The following NFKB1 variants were observed in gnomAD, a reference collection of about 807,000 sequenced individuals.
The protein encoded by NFKB1 is nuclear factor NF-kappa-B p105 subunit.
A neutral mutation model predicts 105.1 loss-of-function variants in NFKB1; 9 were observed. That is an observed-to-expected ratio of 0.09 (90% CI 0.05 to 0.15). The LOEUF is 0.15. Ranked by LOEUF, NFKB1 falls within the 10% of genes least tolerant of loss-of-function variation. The pLI is 1.00. For synonymous variants in NFKB1, 440 were observed against 442.2 expected (o/e 1.00, Z 0.06); for missense variants, 830 against 1,203.7 (o/e 0.69, Z 4.59).
chr4:102,578,876 C>T lies in NFKB1; in HGVS notation c.572-5C>T, dbSNP rs762902593. The T allele has an allele frequency of 3.7e-6, 6 of 1,613,754 alleles. No individual in the cohort carries two copies. In the South Asian group the frequency reaches 6.6e-5, roughly 18 times the overall value. ...GCATGAATGGACTGTGCTGTATGGC[C>T]CTAGATCGGGAAAAAGAGCTAATCC... On this transcript the variant is annotated splice_region_variant and splice_polypyrimidine_tract_variant and intron_variant, in intron 7 of 23. Transcript: ENST00000226574.
rs537696555 is a variant in NFKB1 at position 102,607,400 on chromosome 4, G to A, written c.2124+81G>A. On this transcript the variant is annotated intron_variant, in intron 18 of 23. Transcript: ENST00000226574. Reference sequence around the variant, plus strand: ...ATCTTTTCAAAGAAGGAAGTCAGTAGCTGCTGTTCTCCCTTACAATCAGCT... The same window carrying A: ...ATCTTTTCAAAGAAGGAAGTCAGTAACTGCTGTTCTCCCTTACAATCAGCT... 359 of 1,453,416 alleles carry A rather than the reference G, an allele frequency of 2.5e-4. 4 individuals are homozygous for A. In the South Asian group the frequency reaches 4.1e-3, roughly 17 times the overall value. The allele number at this position is 1,453,416 out of a possible 1,614,324, so 90.0% of individuals were successfully genotyped here.
At chr4:102,559,995 AT>A (rs1723279422) in intron 5 of NFKB1, among the ~76,000 whole-genome samples, 1 of 151,888 alleles carries the variant, frequency 6.6e-6, no homozygotes, top group South Asian at 2.1e-4. Context: ...GCACTAGAAT[AT>A]CAGTATTATA....
intron 15 of NFKB1, 52 bp from the exon 16 acceptor site, chr4:102,600,843 T>C: frequency 9.4e-7 from 1 of 1,067,128 alleles, no homozygotes; most frequent in East Asian, 2.4e-5. Flanking sequence ...TGGGAATCTT[T>C]TCTTTTTCAT....
chr4:102,599,781 T>C (rs1356820770), intron 15 of NFKB1, among the ~76,000 whole-genome samples: 1 of 152,232 alleles, frequency 6.6e-6, no homozygotes, highest in East Asian at 1.9e-4. Context: ...ATTATTGTTA[T>C]AGTAAAAAGA....
intron 11 of NFKB1, among the ~76,000 whole-genome samples, chr4:102,591,040 A>G (rs901126160): frequency 6.6e-6 from 1 of 152,186 alleles, no homozygotes; most frequent in African/African-American, 2.4e-5. Context: ...AAAAAGTTGG[A>G]AGCTAGCAGA....
intron 5 of NFKB1, among the ~76,000 whole-genome samples, chr4:102,543,252 C>G (rs1265233804): frequency 6.6e-6 from 1 of 152,138 alleles, no homozygotes; most frequent in Non-Finnish European, 1.5e-5. Context: ...CAGAAACTCT[C>G]ACCAATCCTC....
At chr4:102,538,020 A>G in intron 5 of NFKB1, 64 bp downstream of exon 5, 2 of 1,035,728 alleles carry the variant, frequency 1.9e-6, no homozygotes, top group Non-Finnish European at 3.0e-6. Context: ...ACGATTTCCA[A>G]GGAATTGCTT....
chr4:102,542,720 A>G (rs1742086621), intron 5 of NFKB1, among the ~76,000 whole-genome samples: 2 of 152,230 alleles, frequency 1.3e-5, no homozygotes, highest in Admixed American at 1.3e-4. Flanking sequence ...CAAATTTGCC[A>G]TTGTATAGGA....
chr4:102,583,422 G>A (rs1450064967), intron 10 of NFKB1, among the ~76,000 whole-genome samples: 1 of 152,156 alleles, frequency 6.6e-6, no homozygotes, highest in Non-Finnish European at 1.5e-5. Context: ...GTTACCTACT[G>A]TAGAGTTATG....
intron 9 of NFKB1, among the ~76,000 whole-genome samples, chr4:102,581,514 C>T (rs1261072895): frequency 1.3e-5 from 2 of 152,008 alleles, no homozygotes; most frequent in Admixed American, 1.3e-4. Flanking sequence ...ACAGGCCAGG[C>T]ATGGTAACTC....
intron 1 of NFKB1, among the ~76,000 whole-genome samples, chr4:102,511,235 TTTTA>T (rs1396666216): frequency 1.3e-5 from 2 of 152,100 alleles, no homozygotes; most frequent in Non-Finnish European, 2.9e-5. Context: ...ATAAGTAGGG[TTTTA>T]TTTCTTTAAC....
At chr4:102,561,446 A>G (rs143144846) in intron 5 of NFKB1, among the ~76,000 whole-genome samples, 199 of 152,192 alleles carry the variant, frequency 1.3e-3, no homozygotes, top group African/African-American at 4.0e-3. Context: ...CTCACAACAC[A>G]TACCAGCAAA....
chr4:102,594,749 G>T (rs750212984), intron 12 of NFKB1, 143 bp from the exon 13 acceptor site: 1 of 551,402 alleles, frequency 1.8e-6, no homozygotes, highest in Admixed American at 2.7e-5. Flanking sequence ...ATGTGTCTTA[G>T]TCCCAACAGA....
intron 1 of NFKB1, among the ~76,000 whole-genome samples, chr4:102,522,575 G>A (rs552747330): frequency 2.0e-5 from 3 of 152,268 alleles, no homozygotes; most frequent in African/African-American, 4.8e-5. Flanking sequence ...AGTAGGTTTC[G>A]TTTGAATTTT....
Position 102,607,247 on chromosome 4 carries a change from G to T in NFKB1, c.2052G>T (p.Lys684Asn). ...CTGACGTCAATGCTCAGGAGCAGAA[G>T]TCCGGGCGCACAGCACTGCACCTGG... ...AGADVNAQEQ[K>N]SGRTALHLAV... The change falls in exon 18 of 24, where the codon AAG becomes AAT. Residue 684 changes from lysine to asparagine, a missense_variant. By Grantham distance (94) the Lys-to-Asn change is moderately conservative. Transcript: ENST00000226574. The T allele has an allele frequency of 1.9e-6, 3 of 1,614,220 alleles. No individual in the cohort carries two copies. Among genetic ancestry groups the T allele is most frequent in the Non-Finnish European group, 2.5e-6 (3 of 1,180,046 alleles).
chr4:102,573,047 G>T (rs936361129), intron 6 of NFKB1, among the ~76,000 whole-genome samples: 4 of 152,088 alleles, frequency 2.6e-5, no homozygotes, highest in Non-Finnish European at 5.9e-5. Flanking sequence ...AGTGGCTCAC[G>T]CCTGAAATCC....
chr4:102,577,293 C>G (rs938675952), intron 7 of NFKB1, among the ~76,000 whole-genome samples: 9 of 152,152 alleles, frequency 5.9e-5, no homozygotes, highest in Non-Finnish European at 8.8e-5. Flanking sequence ...CTTGCATCCT[C>G]CTCTTGCCAT....
At chr4:102,611,658 G>T (rs1728428941) in intron 20 of NFKB1, among the ~76,000 whole-genome samples, 1 of 152,190 alleles carries the variant, frequency 6.6e-6, no homozygotes, top group Non-Finnish European at 1.5e-5. Flanking sequence ...TGTTCCTATG[G>T]AAGAAGGGAG....
At chr4:102,549,387 GTATT>G (rs1326417302) in intron 5 of NFKB1, among the ~76,000 whole-genome samples, 1 of 147,844 alleles carries the variant, frequency 6.8e-6, no homozygotes, top group African/African-American at 2.5e-5. Context: ...ATTAATATAT[GTATT>G]TATATATGTA....
Sources: allele counts gnomAD v4.1 joint callset (sites outside exome capture counted in the v4.1 genomes callset), GRCh38; gene constraint gnomAD v4.1.1; transcripts MANE v1.5; gene names NCBI Gene and HGNC (gene_info 2026-07-23, HGNC 2026-07-21).